ADAM10: variants seen among roughly 807,000 people sequenced by gnomAD.
ADAM10 encodes ADAM metallopeptidase domain 10, also known as disintegrin and metalloproteinase domain-containing protein 10.
ADAM10 carries 17 observed loss-of-function variants against 90.1 expected under a neutral mutation model. That is an observed-to-expected ratio of 0.19 (90% CI 0.13 to 0.28). The LOEUF (loss-of-function observed/expected upper bound fraction) is 0.28, where lower values mean the gene tolerates loss of function less well. Ranked by LOEUF, ADAM10 falls within the 10% of genes least tolerant of loss-of-function variation. The probability of loss-of-function intolerance (pLI) is 1.00; values close to 1 mark genes in which losing one functional copy is unlikely to be tolerated. For synonymous variants in ADAM10, 310 were observed against 298.6 expected (o/e 1.04, Z -0.40); for missense variants, 610 against 914.3 (o/e 0.67, Z 4.29).
At chr15:58,741,746 T>C (rs1024836311) in intron 1 of ADAM10, among the ~76,000 whole-genome samples, 6 of 152,188 alleles carry the variant, frequency 3.9e-5, no homozygotes, top group Non-Finnish European at 2.9e-5. Context: ...CTTACTTATT[T>C]CTACGATCAT....
At position 58,615,348 on chromosome 15, in the gene ADAM10, C is replaced by G. The variant is rs1011413341; in HGVS notation, c.1512-3357G>C. Among the ~76,000 whole-genome samples the G allele has an allele frequency of 4.0e-5, 6 of 150,270 alleles. No homozygotes were observed. The East Asian group carries it at 1.2e-3, about 29-fold the overall frequency. ...AGAGGAAGTCCTCACCTACTGATAT[C>G]AATCATGAATATACACCAATGAAAT... On this transcript the variant is annotated intron_variant, in intron 11 of 15. Transcript: ENST00000260408.
At chr15:58,633,515 A>T (rs1896159003) in intron 8 of ADAM10, among the ~76,000 whole-genome samples, 156 bp from the exon 9 acceptor site, 1 of 152,238 alleles carries the variant, frequency 6.6e-6, no homozygotes, top group Admixed American at 6.5e-5. Flanking sequence ...CTTTGGTCCA[A>T]GACTAAGAAG....
At chr15:58,631,053 A>T (rs1440817621) in intron 9 of ADAM10, among the ~76,000 whole-genome samples, 2 of 151,550 alleles carry the variant, frequency 1.3e-5, no homozygotes, top group African/African-American at 4.9e-5. Flanking sequence ...TCTCTCCTTG[A>T]CCCCACGCTC....
intron 2 of ADAM10, among the ~76,000 whole-genome samples, chr15:58,716,728 T>C (rs567270517): frequency 1.7e-4 from 26 of 152,304 alleles, no homozygotes; most frequent in South Asian, 2.1e-4. Flanking sequence ...AATAGCTTTA[T>C]TGATAAACAG....
rs934342495 is a variant in ADAM10, at chr15:58,676,419, C to T, written c.484+2705G>A. The T allele has an allele frequency of 9.5e-5, 32 of 337,894 alleles. 1 individual carries two copies. The highest frequency in any genetic ancestry group is 7.3e-4 in the South Asian group (31 of 42,414). The allele number at this position is 337,894 out of a possible 1,614,324, so 20.9% of individuals were successfully genotyped here. On this transcript the variant is annotated intron_variant, in intron 4 of 15. Coordinates refer to ENST00000260408, the MANE Select transcript of ADAM10 (RefSeq NM_001110.4). ...TATTAAGCCATAATAATTATTCTTA[C>T]TACTGCTGCTACTACTACTACTTCT... is the stretch of plus-strand genomic sequence containing the variant.
At chr15:58,610,260 A>T in intron 14 of ADAM10, 37 bp downstream of exon 14, 1 of 1,580,602 alleles carries the variant, frequency 6.3e-7, no homozygotes, top group Non-Finnish European at 8.7e-7. Context: ...AGATCAAACC[A>T]CTTTAAGTTT....
chr15:58,691,787 A>T (rs1172493543), intron 2 of ADAM10, among the ~76,000 whole-genome samples: 1 of 149,194 alleles, frequency 6.7e-6, no homozygotes, highest in African/African-American at 2.5e-5. Flanking sequence ...GGTTCAAGCA[A>T]TTCTCCTGCC....
At position 58,593,765 on chromosome 15, in the gene ADAM10, A is replaced by T. The variant is rs1894881102; in HGVS notation, c.*3782T>A. The T allele has an allele frequency of 1.3e-5, 2 of 152,306 alleles. No individual in the cohort carries two copies. The highest frequency in any genetic ancestry group is 4.8e-5 in the African/African-American group (2 of 41,576). The allele number at this position is 152,306 out of a possible 1,614,324, so 9.4% of individuals were successfully genotyped here. On this transcript the variant is annotated 3_prime_UTR_variant, in exon 16 of 16. Transcript: ENST00000260408. ...TTTACCTAGCATCCTGTTGCTTTTT[A>T]TAGAAGAGATGCTCTGAAGAACTTA...
rs753959279 is a variant in ADAM10, at chr15:58,717,724, T to C, written c.59A>G (p.Gln20Arg). ...LLSWAAGMGG[Q>R]YGNPLNKYIR... ...ATATTTATTTAAAGGATTCCCATAC[T>C]GACCTATAAAAAAAAAACAACATTC... Residue 20 changes from glutamine (Q) to arginine (R), a missense_variant, in exon 2 of 16, where the codon CAG (glutamine) becomes CGG (arginine). Physicochemically the swap from Gln to Arg is conservative, Grantham distance 43. This residue lies in a region of ADAM10 where 310 missense variants were observed against 362.4 expected (regional missense o/e 0.86). Coordinates refer to ENST00000260408, the MANE Select transcript of ADAM10 (RefSeq NM_001110.4). 6.2e-7 allele frequency: 1 copy of C among 1,611,352 alleles called. No individual in the cohort carries two copies. The highest frequency in any genetic ancestry group is 8.5e-7 in the Non-Finnish European group (1 of 1,179,088).
intron 2 of ADAM10, among the ~76,000 whole-genome samples, chr15:58,712,130 C>A (rs1187845403): frequency 6.6e-6 from 1 of 151,994 alleles, no homozygotes; most frequent in East Asian, 1.9e-4. Context: ...TCACCTATAT[C>A]AATATAGGTG....
At chr15:58,700,089 C>T (rs886365870) in intron 2 of ADAM10, among the ~76,000 whole-genome samples, 10 of 152,050 alleles carry the variant, frequency 6.6e-5, no homozygotes, top group East Asian at 1.9e-4. Context: ...GCACCCATTA[C>T]GTAATGCAAA....
Position 58,655,719 on chromosome 15 carries a change from A to C in ADAM10, c.585+9378T>G, listed in dbSNP as rs1242818731. On this transcript the variant is annotated intron_variant, in intron 5 of 15. Transcript: ENST00000260408. ...TAGTATATATATATATAGTATATAT[A>C]TATATATATATATATATATATTCTT... is the stretch of plus-strand genomic sequence containing the variant. Among the ~76,000 whole-genome samples, 9 of 46,922 alleles carry C rather than the reference A, an allele frequency of 1.9e-4. 3 individuals are homozygous for C. The highest frequency in any genetic ancestry group is 7.8e-4 in the African/African-American group (5 of 6,448). The allele number at this position is 46,922 out of a possible 152,430, so 30.8% of individuals were successfully genotyped here.
intron 2 of ADAM10, among the ~76,000 whole-genome samples, chr15:58,690,711 C>A (rs535659517): frequency 3.3e-5 from 5 of 152,238 alleles, no homozygotes; most frequent in East Asian, 1.9e-4. Context: ...TATGCAAGGG[C>A]ACAAGGTTTG....
chr15:58,607,213 G>T (rs996430977), intron 14 of ADAM10, among the ~76,000 whole-genome samples: 1 of 152,180 alleles, frequency 6.6e-6, no homozygotes, highest in African/African-American at 2.4e-5. Flanking sequence ...AGAATTAACT[G>T]GAGAGTTTTA....
intron 2 of ADAM10, 87 bp downstream of exon 2, chr15:58,717,490 G>A: frequency 6.5e-7 from 1 of 1,543,756 alleles, no homozygotes; most frequent in Non-Finnish European, 8.9e-7. Flanking sequence ...TTGCATTAGA[G>A]AAGGAAAATT....
At chr15:58,607,256 G>A (rs1301558441) in intron 14 of ADAM10, among the ~76,000 whole-genome samples, 1 of 152,178 alleles carries the variant, frequency 6.6e-6, no homozygotes, top group African/African-American at 2.4e-5. Flanking sequence ...AAGAGATTCT[G>A]ATTTAATTAG....
At chr15:58,660,239 G>GA (rs1343648547) in intron 5 of ADAM10, among the ~76,000 whole-genome samples, 21 of 151,674 alleles carry the variant, frequency 1.4e-4, no homozygotes, top group African/African-American at 4.9e-4. Context: ...GCCTGGGCTG[G>GA]AGTACACTGG....
chr15:58,739,550 C>T (rs596309), intron 1 of ADAM10, among the ~76,000 whole-genome samples: 30 of 152,030 alleles, frequency 2.0e-4, no homozygotes, highest in East Asian at 9.6e-4. Flanking sequence ...TAAATATTTT[C>T]AAAAAATAAA....
chr15:58,736,905 G>A (rs1296587933), intron 1 of ADAM10, among the ~76,000 whole-genome samples: 19 of 151,690 alleles, frequency 1.3e-4, no homozygotes, highest in African/African-American at 3.1e-4. Flanking sequence ...ACTTTAGCTC[G>A]GGAGTTCAAG....
Sources: allele counts gnomAD v4.1 joint callset (sites outside exome capture counted in the v4.1 genomes callset), GRCh38; gene constraint gnomAD v4.1.1; regional missense constraint gnomAD v4.1.1; transcripts MANE v1.5; gene names NCBI Gene and HGNC (gene_info 2026-07-23, HGNC 2026-07-21).